Variants in JAK2 observed in about 807,000 individuals in gnomAD.
JAK2 encodes the protein tyrosine-protein kinase JAK2.
A neutral mutation model predicts 139.3 loss-of-function variants in JAK2; 86 were observed. The ratio of observed to expected loss-of-function variants is 0.62; its 90% CI spans 0.52 to 0.74. JAK2 has a LOEUF of 0.74. Ranked by LOEUF, JAK2 falls within the 30% of genes least tolerant of loss-of-function variation. The probability of loss-of-function intolerance (pLI) is 0.00; values close to 1 mark genes in which losing one functional copy is unlikely to be tolerated. For missense variants in JAK2, 1,421 were observed against 1,360.3 expected (o/e 1.04, Z -0.70); for synonymous variants, 490 against 437.7 (o/e 1.12, Z -1.49).
chr9:5,021,888 C>A, intron 2 of JAK2, 75 bp from the exon 3 acceptor site: 1 of 810,446 alleles, frequency 1.2e-6, no homozygotes, highest in Non-Finnish European at 2.0e-6. Flanking sequence ...CCGCCTCGGC[C>A]CCGCAAAGTG....
At chr9:4,990,427 A>G (rs138720947) in intron 2 of JAK2, among the ~76,000 whole-genome samples, 1 of 152,228 alleles carries the variant, frequency 6.6e-6, no homozygotes, top group African/African-American at 2.4e-5. Context: ...TATATTGTGG[A>G]TATGTTGAGT....
At chr9:4,992,537 C>T (rs1460964646) in intron 2 of JAK2, among the ~76,000 whole-genome samples, 2 of 152,166 alleles carry the variant, frequency 1.3e-5, no homozygotes, top group African/African-American at 4.8e-5. Context: ...CTTCACATCC[C>T]TCCTGTATCT....
At chr9:5,065,251 T>C (rs1297777019) in intron 9 of JAK2, among the ~76,000 whole-genome samples, 1 of 152,220 alleles carries the variant, frequency 6.6e-6, no homozygotes, top group Non-Finnish European at 1.5e-5. Flanking sequence ...TATTTATAAG[T>C]TGTACAAGTT....
chr9:5,112,710 A>C (rs1231495031), intron 22 of JAK2: 7 of 840,000 alleles, frequency 8.3e-6, no homozygotes, highest in Non-Finnish European at 1.2e-5. Flanking sequence ...CAAGTGCGAG[A>C]GCGGAACCTG....
rs62637625 is a variant in JAK2 at position 5,054,679 on chromosome 9, A to G, written c.731A>G (p.Lys244Arg). The change falls in exon 7 of 25, where the codon AAA becomes AGA. Residue 244 changes from lysine to arginine, a missense_variant. By Grantham distance (26) the Lys-to-Arg change is conservative (BLOSUM62 2). Transcript: ENST00000381652. This position sits in a 1 kb window ranked among gnomAD's most constrained non-coding sequence, Gnocchi z 4.9. The part of the protein sequence containing the change: ...RRFIQQFSQC[K>R]ATARNLKLKY... ...TTTATTCAGCAATTCAGCCAATGCA[A>G]AGCCACTGCCAGAAACTTGAAACTT... The G allele has an allele frequency of 1.9e-4, 307 of 1,613,452 alleles. No individual in the cohort carries two copies. The African/African-American group carries it at 3.3e-3, about 17-fold the overall frequency.
At chr9:4,990,729 G>A (rs952241407) in intron 2 of JAK2, among the ~76,000 whole-genome samples, 8 of 152,162 alleles carry the variant, frequency 5.3e-5, no homozygotes, top group Admixed American at 2.0e-4. Context: ...AGATGTATTC[G>A]TGTTTTTCCT....
chr9:5,011,363 A>T (rs867662154), intron 2 of JAK2, among the ~76,000 whole-genome samples: 67 of 151,916 alleles, frequency 4.4e-4, no homozygotes, highest in Admixed American at 1.2e-3. Context: ...TTAAAAAAAA[A>T]TTTTTTTGTA....
intron 4 of JAK2, among the ~76,000 whole-genome samples, chr9:5,040,411 T>C (rs950251192): frequency 1.3e-5 from 2 of 152,110 alleles, no homozygotes; most frequent in Non-Finnish European, 2.9e-5. Flanking sequence ...TTCTTAGATA[T>C]GACACCAAAA....
intron 12 of JAK2, among the ~76,000 whole-genome samples, chr9:5,071,451 A>C (rs897636464): frequency 4.6e-5 from 7 of 152,348 alleles, no homozygotes; most frequent in African/African-American, 1.7e-4. Flanking sequence ...AGAAATAACA[A>C]GACATTGTTT....
At chr9:5,039,500 A>G (rs1586682851) in intron 4 of JAK2, among the ~76,000 whole-genome samples, 1 of 152,128 alleles carries the variant, frequency 6.6e-6, no homozygotes, top group Non-Finnish European at 1.5e-5. Flanking sequence ...AGATTTTGGT[A>G]TGTGTGGGAG....
Position 5,127,537 on chromosome 9 carries a change from G to GTATC in JAK2, c.*750_*753dup, listed in dbSNP as rs1824077395. The GTATC allele has an allele frequency of 1.3e-5, 3 of 231,032 alleles. No individual in the cohort carries two copies. The East Asian group carries it at 1.8e-4, about 14-fold the overall frequency. 14.3% of individuals were successfully genotyped at this position (231,032 alleles called of 1,614,324 possible). A position where few individuals can be genotyped will look rare whatever the true frequency, so the allele number is the denominator to read the frequency against. ...AATCTATTTTATTATGGTTTCCCTT[G>GTATC]TATCTATTTGTGGTGAATGTGTTTT... On this transcript the variant is annotated 3_prime_UTR_variant, in exon 25 of 25. Transcript: ENST00000381652.
intron 18 of JAK2, 72 bp downstream of exon 18, chr9:5,080,755 T>A: frequency 1.7e-6 from 2 of 1,167,096 alleles, no homozygotes; most frequent in South Asian, 4.3e-5. Flanking sequence ...CATTACTAAT[T>A]TTTAATTCCT....
At chr9:5,098,808 C>G (rs1821234055) in intron 22 of JAK2, 1 of 150,922 alleles carries the variant, frequency 6.6e-6, no homozygotes, top group African/African-American at 2.5e-5. Context: ...ATTCTCCTGC[C>G]TCAGCCTCCC....
chr9:5,069,121 G>C lies in JAK2; in HGVS notation c.1426G>C (p.Asp476His), dbSNP rs2130522809. The C allele has an allele frequency of 6.2e-7, 1 of 1,612,868 alleles. No individual in the cohort carries two copies. Among genetic ancestry groups the C allele is most frequent in the Non-Finnish European group, 8.5e-7 (1 of 1,179,152 alleles). Reference sequence around the variant, plus strand: ...AAAGAAGAACTTCAGCAGTCTTAAAGATCTTTTGAATTGTTACCAGATGGA... The same window carrying C: ...AAAGAAGAACTTCAGCAGTCTTAAACATCTTTTGAATTGTTACCAGATGGA... ...GTKKNFSSLK[D>H]LLNCYQMETV... Residue 476 changes from aspartate to histidine, a missense_variant, in exon 11 of 25, where the codon GAT becomes CAT. Physicochemically the swap from Asp to His is moderately conservative, Grantham distance 81. Transcript: ENST00000381652.
rs78720878 is a variant in JAK2, at chr9:5,031,965, G to C, written c.350+2059G>C. 2.5e-4 allele frequency among the ~76,000 whole-genome samples: 38 copies of C among 152,250 alleles called. 1 individual carries two copies. Among genetic ancestry groups the C allele is most frequent in the Non-Finnish European group, 3.5e-4 (24 of 68,050 alleles). ...ATGAGCCGAAGCAGGGCGAGGCATC[G>C]CCACACCCGGGAAGCGCAAAGGGTC... On this transcript the variant is annotated intron_variant, in intron 4 of 24. Coordinates refer to ENST00000381652, the MANE Select transcript of JAK2 (RefSeq NM_004972.4).
upstream of JAK2, chr9:4,984,456 A>G (rs1819828229): frequency 6.6e-6 from 1 of 152,276 alleles, no homozygotes; most frequent in Non-Finnish European, 1.5e-5. Flanking sequence ...AACATTCGCT[A>G]GGCCTTGTTG....
chr9:5,052,427 T>C (rs1171691853), intron 6 of JAK2, among the ~76,000 whole-genome samples: 1 of 152,086 alleles, frequency 6.6e-6, no homozygotes, highest in Non-Finnish European at 1.5e-5. Context: ...CTGCTTTACT[T>C]TAAAAATAGT....
chr9:5,098,601 T>A (rs1821209394), intron 22 of JAK2: 1 of 152,214 alleles, frequency 6.6e-6, no homozygotes, highest in African/African-American at 2.4e-5. Context: ...ATAAAACAGA[T>A]GAAGTTAATA....
At chr9:5,045,202 T>C (rs1816916986) in intron 5 of JAK2, among the ~76,000 whole-genome samples, 1 of 152,160 alleles carries the variant, frequency 6.6e-6, no homozygotes, top group African/African-American at 2.4e-5. Context: ...ATATTAGTGC[T>C]CTTGGGTAAA....
Sources: allele counts gnomAD v4.1 joint callset (sites outside exome capture counted in the v4.1 genomes callset), GRCh38; gene constraint gnomAD v4.1.1; non-coding constraint Gnocchi (gnomAD v3.1); transcripts MANE v1.5; gene names NCBI Gene and HGNC (gene_info 2026-07-23, HGNC 2026-07-21).